The following TMEM200A variants were observed in gnomAD, a reference collection of about 807,000 sequenced individuals.
TMEM200A encodes the protein transmembrane protein 200A, also known as two transmembrane C.
A neutral mutation model predicts 24.3 loss-of-function variants in TMEM200A; 12 were observed. That is an observed-to-expected ratio of 0.49 (90% confidence interval 0.32 to 0.80). The LOEUF (loss-of-function observed/expected upper bound fraction) is 0.80. TMEM200A is among the 30% of genes least tolerant of loss of function. The pLI, the probability that TMEM200A is intolerant of heterozygous loss-of-function variation, is 0.04. For synonymous variants in TMEM200A, 224 were observed against 224.4 expected, an observed-to-expected ratio of 1.00 and a Z score of 0.02; for missense variants, 545 against 614.4, an observed-to-expected ratio of 0.89 and a Z score of 1.19.
At chr6:130,415,005 T>C (rs749764515) in intron 2 of TMEM200A, among the ~76,000 whole-genome samples, 2 of 152,184 alleles carry the variant, frequency 1.3e-5, no homozygotes, top group Non-Finnish European at 2.9e-5. Context: ...AGAGGCTCCT[T>C]AGCATATTCA....
chr6:130,388,511 C>G (rs138545863), intron 2 of TMEM200A, among the ~76,000 whole-genome samples: 1 of 152,168 alleles, frequency 6.6e-6, no homozygotes, highest in Admixed American at 6.5e-5. Flanking sequence ...TGTGGATTCT[C>G]GCTTGTACAT....
At chr6:130,397,281 G>T (rs899274521) in intron 2 of TMEM200A, among the ~76,000 whole-genome samples, 7 of 152,016 alleles carry the variant, frequency 4.6e-5, no homozygotes, top group Non-Finnish European at 7.4e-5. Flanking sequence ...TAGATTAAGG[G>T]CAGCTTTAAA....
chr6:130,397,663 G>A (rs1162796603), intron 2 of TMEM200A, among the ~76,000 whole-genome samples: 8 of 151,218 alleles, frequency 5.3e-5, no homozygotes, highest in Admixed American at 5.3e-4. Context: ...GCTTTTATCT[G>A]GTAAATTTAG....
chr6:130,377,171 G>C (rs988289096), intron 1 of TMEM200A, among the ~76,000 whole-genome samples: 1 of 152,220 alleles, frequency 6.6e-6, no homozygotes, highest in Non-Finnish European at 1.5e-5. Context: ...AAGGGAAAGA[G>C]TTTTGCAATA....
chr6:130,440,399 T>A lies in TMEM200A; in HGVS notation c.-16-8T>A, dbSNP rs760801364. 3.3e-6 allele frequency: 5 copies of A among 1,511,578 alleles called. No individual in the cohort carries two copies. The Admixed American group carries it at 7.0e-5, about 21-fold the overall frequency. The allele number at this position is 1,511,578 out of a possible 1,614,324, so 93.6% of individuals were successfully genotyped here. A position where few individuals can be genotyped will look rare whatever the true frequency, so the allele number is the denominator to read the frequency against. ...CATCATCTTTTTCCTTTTTTTTTTC[T>A]TCTTCAGAGTAAAAGGCCAAGCTAT... On this transcript the variant is annotated splice_polypyrimidine_tract_variant and splice_region_variant and intron_variant, in intron 2 of 2. Coordinates refer to ENST00000296978, the MANE Select transcript of TMEM200A (RefSeq NM_001258277.2).
In TMEM200A at chr6:130,366,263, G is replaced by T. The variant is rs920434713; in HGVS notation, c.-342G>T. The T allele has an allele frequency of 7.3e-5, 72 of 985,206 alleles. No homozygotes were observed. The highest frequency in any genetic ancestry group is 1.0e-3 in the Middle Eastern group (2 of 1,912). The allele number at this position is 985,206 out of a possible 1,614,324, so 61.0% of individuals were successfully genotyped here. On this transcript the variant is annotated 5_prime_UTR_variant, in exon 1 of 3. Transcript: ENST00000296978. This position sits in a 1 kb window ranked among gnomAD's most constrained non-coding sequence, Gnocchi z 4.4. ...GCCCCCCCGGCGCGGGCATAGGGGC[G>T]CCCCCACCCTCCGTCCGCTTGCACC... is the stretch of plus-strand genomic sequence containing the variant.
At chr6:130,423,113 A>G (rs1290045041) in intron 2 of TMEM200A, among the ~76,000 whole-genome samples, 2 of 152,184 alleles carry the variant, frequency 1.3e-5, no homozygotes, top group African/African-American at 2.4e-5. Context: ...TACTTAATAG[A>G]TGAGGAAAAT....
At chr6:130,425,987 C>G (rs1413593797) in intron 2 of TMEM200A, among the ~76,000 whole-genome samples, 1 of 152,052 alleles carries the variant, frequency 6.6e-6, no homozygotes, top group Non-Finnish European at 1.5e-5. Flanking sequence ...ATCAAAAACT[C>G]ATAACACTAT....
intron 1 of TMEM200A, among the ~76,000 whole-genome samples, chr6:130,379,322 T>C (rs754574075): frequency 1.3e-5 from 2 of 152,160 alleles, no homozygotes; most frequent in Non-Finnish European, 2.9e-5. Context: ...GGTTACAGCC[T>C]GCAGAGTGGC....
intron 1 of TMEM200A, among the ~76,000 whole-genome samples, chr6:130,373,054 T>C (rs1444009583): frequency 6.6e-6 from 1 of 152,180 alleles, no homozygotes; most frequent in African/African-American, 2.4e-5. Flanking sequence ...GATTAGCAAC[T>C]GCTGGGGAGA....
intron 1 of TMEM200A, among the ~76,000 whole-genome samples, chr6:130,379,657 C>T (rs1778550341): frequency 6.6e-6 from 1 of 152,108 alleles, no homozygotes; most frequent in Admixed American, 6.6e-5. Context: ...CTGGCCAGAA[C>T]CAGTTGGTGT....
chr6:130,366,157 G>A lies in TMEM200A; in HGVS notation c.-448G>A. On this transcript the variant is annotated 5_prime_UTR_variant, in exon 1 of 3. Coordinates refer to ENST00000296978, the MANE Select transcript of TMEM200A (RefSeq NM_001258277.2). The surrounding 1 kb of genome is among the most constrained non-coding windows in gnomAD (Gnocchi z 4.4). ...CGCCCGGTGCCCTCCGAGGGCAGGC[G>A]CGCCTGGACTCTGCGCCCGGATGGC... 1 of 985,346 alleles carries A rather than the reference G, an allele frequency of 1.0e-6. No homozygotes were observed. Among genetic ancestry groups the A allele is most frequent in the South Asian group, 4.7e-5 (1 of 21,286 alleles). 61.0% of individuals were successfully genotyped at this position (985,346 alleles called of 1,614,324 possible). A position where few individuals can be genotyped will look rare whatever the true frequency, so the allele number is the denominator to read the frequency against.
At chr6:130,428,771 G>A (rs1473200878) in intron 2 of TMEM200A, among the ~76,000 whole-genome samples, 1 of 152,162 alleles carries the variant, frequency 6.6e-6, no homozygotes, top group African/African-American at 2.4e-5. Context: ...ATGTCAAGAT[G>A]ATATAATTGT....
At chr6:130,393,828 G>C (rs1414934792) in intron 2 of TMEM200A, among the ~76,000 whole-genome samples, 3 of 152,064 alleles carry the variant, frequency 2.0e-5, no homozygotes, top group Non-Finnish European at 4.4e-5. Context: ...TCCTGATCCA[G>C]GAAACAATTG....
rs150802568 is a variant in TMEM200A at position 130,440,394 on chromosome 6, T to G, written c.-16-13T>G. 9.3e-6 allele frequency: 14 copies of G among 1,508,546 alleles called. No homozygotes were observed. The African/African-American group carries it at 2.0e-4, about 21-fold the overall frequency. 93.4% of individuals were successfully genotyped at this position (1,508,546 alleles called of 1,614,324 possible). A position where few individuals can be genotyped will look rare whatever the true frequency, so the allele number is the denominator to read the frequency against. ...ATTTACATCATCTTTTTCCTTTTTT[T>G]TTTCTTCTTCAGAGTAAAAGGCCAA... On this transcript the variant is annotated splice_polypyrimidine_tract_variant and intron_variant, in intron 2 of 2. Coordinates refer to ENST00000296978, the MANE Select transcript of TMEM200A (RefSeq NM_001258277.2).
At chr6:130,389,470 T>A (rs1157529247) in intron 2 of TMEM200A, among the ~76,000 whole-genome samples, 1 of 150,820 alleles carries the variant, frequency 6.6e-6, no homozygotes, top group African/African-American at 2.5e-5. Flanking sequence ...AGCTTGAAAG[T>A]GATAAAGTTA....
intron 1 of TMEM200A, among the ~76,000 whole-genome samples, chr6:130,372,781 A>G (rs1332250608): frequency 6.6e-6 from 1 of 152,244 alleles, no homozygotes. Flanking sequence ...ATGTATGTAC[A>G]ACAAGAGGAA....
chr6:130,436,680 G>A (rs1474111603), intron 2 of TMEM200A, among the ~76,000 whole-genome samples: 1 of 102,692 alleles, frequency 9.7e-6, no homozygotes, highest in African/African-American at 3.5e-5. Context: ...ACAGGTTCTT[G>A]CTCTATCACC....
intron 2 of TMEM200A, among the ~76,000 whole-genome samples, chr6:130,390,541 G>A (rs994924283): frequency 4.6e-5 from 7 of 152,168 alleles, no homozygotes; most frequent in Non-Finnish European, 7.4e-5. Context: ...ATGTTAAAAA[G>A]CTTGACAAAC....
Sources: allele counts gnomAD v4.1 joint callset (sites outside exome capture counted in the v4.1 genomes callset), GRCh38; gene constraint gnomAD v4.1.1; non-coding constraint Gnocchi (gnomAD v3.1); transcripts MANE v1.5; gene names NCBI Gene and HGNC (gene_info 2026-07-23, HGNC 2026-07-21).